The following CAMTA1 variants were observed in gnomAD, a reference collection of about 807,000 sequenced individuals.
CAMTA1 encodes calmodulin binding transcription activator 1, also known as calmodulin-binding transcription activator 1.
CAMTA1 carries 27 observed loss-of-function variants against 170.9 expected under a neutral mutation model. That is an observed-to-expected ratio of 0.16 (90% CI 0.12 to 0.22). CAMTA1 has a LOEUF of 0.22. CAMTA1 is among the 10% of genes least tolerant of loss of function. The pLI is 1.00. For missense variants in CAMTA1, 1,619 were observed against 2,217.2 expected, an observed-to-expected ratio of 0.73 and a Z score of 5.42; for synonymous variants, 833 against 891.5, an observed-to-expected ratio of 0.93 and a Z score of 1.17.
chr1:6,897,613 GA>G (rs1489736905), intron 3 of CAMTA1, among the ~76,000 whole-genome samples: 1 of 152,144 alleles, frequency 6.6e-6, no homozygotes, highest in African/African-American at 2.4e-5. Flanking sequence ...GTGAGTTTTT[GA>G]AAGGCAGTGT....
At chr1:7,448,416 G>C (rs553423150) in intron 5 of CAMTA1, among the ~76,000 whole-genome samples, 10 of 152,302 alleles carry the variant, frequency 6.6e-5, no homozygotes, top group African/African-American at 2.4e-4. Flanking sequence ...CTCCAGGTGG[G>C]TGCTCAGCTG....
At chr1:7,315,329 C>T (rs879513911) in intron 5 of CAMTA1, among the ~76,000 whole-genome samples, 5 of 152,150 alleles carry the variant, frequency 3.3e-5, no homozygotes, top group East Asian at 1.9e-4. Flanking sequence ...CTCTATTTGT[C>T]GGGGAGGCAG....
At chr1:7,487,300 C>T in intron 6 of CAMTA1, among the ~76,000 whole-genome samples, 1 of 152,258 alleles carries the variant, frequency 6.6e-6, no homozygotes, top group Middle Eastern at 3.4e-3. Context: ...GGGTAAGAAA[C>T]CTTTACTCAG....
At chr1:6,876,941 T>C (rs1670064395) in intron 3 of CAMTA1, among the ~76,000 whole-genome samples, 1 of 152,168 alleles carries the variant, frequency 6.6e-6, no homozygotes, top group Non-Finnish European at 1.5e-5. Context: ...CTGCATAGTT[T>C]TTAGAGCTGG....
At chr1:6,929,904 A>G (rs1684078836) in intron 3 of CAMTA1, among the ~76,000 whole-genome samples, 1 of 152,158 alleles carries the variant, frequency 6.6e-6, no homozygotes, top group African/African-American at 2.4e-5. Context: ...CCTTCGGTCC[A>G]TGAGCACCTA....
intron 3 of CAMTA1, among the ~76,000 whole-genome samples, chr1:6,993,648 T>G (rs1696739030): frequency 6.9e-6 from 1 of 145,982 alleles, no homozygotes; most frequent in African/African-American, 2.4e-5. Flanking sequence ...CTGTTTGTCT[T>G]GAAGTCTACG....
chr1:7,066,488 T>C (rs1708979861), intron 3 of CAMTA1, among the ~76,000 whole-genome samples: 1 of 152,242 alleles, frequency 6.6e-6, no homozygotes, highest in Admixed American at 6.5e-5. Context: ...TTTTACTGCT[T>C]TCAAGATAAA....
At chr1:6,902,084 TAAAA>T (rs143405526) in intron 3 of CAMTA1, among the ~76,000 whole-genome samples, 1 of 105,012 alleles carries the variant, frequency 9.5e-6, no homozygotes, top group African/African-American at 4.1e-5. Context: ...AAAAAAAAAA[TAAAA>T]ATAAAAACTC....
At position 7,745,013 on chromosome 1, in the gene CAMTA1, C is replaced by T. The variant is rs2096846844; in HGVS notation, c.4361C>T (p.Ala1454Val). Residue 1454 changes from alanine (A) to valine (V), a missense_variant, in exon 17 of 23, where the codon GCC becomes GTC. Coordinates refer to ENST00000303635, the MANE Select transcript of CAMTA1 (RefSeq NM_015215.4). ...GATGCTGACTGCCTTCCCAGTGCTGCCCAGATCCGGTGAGTAAAGTTACGG... is the reference window on the plus strand; with the variant it reads ...GATGCTGACTGCCTTCCCAGTGCTGTCCAGATCCGGTGAGTAAAGTTACGG... ...LADADCLPSA[A>V]QIRSAYNEPL... 1 of 1,612,020 alleles carries T rather than the reference C, an allele frequency of 6.2e-7. No individual in the cohort carries two copies.
chr1:7,346,832 C>G (rs1356884044), intron 5 of CAMTA1, among the ~76,000 whole-genome samples: 1 of 152,174 alleles, frequency 6.6e-6, no homozygotes, highest in Non-Finnish European at 1.5e-5. Context: ...CCCATTTACC[C>G]CAGGAGGTTG....
intron 3 of CAMTA1, among the ~76,000 whole-genome samples, chr1:6,858,442 TGTGGTGGTG>T (rs142635550): frequency 7.9e-5 from 9 of 113,798 alleles, no homozygotes; most frequent in Admixed American, 1.1e-4. Flanking sequence ...AAGTGGTGTG[TGTGGTGGTG>T]GTGGTGGTGG....
intron 5 of CAMTA1, among the ~76,000 whole-genome samples, chr1:7,397,535 T>C (rs1328301324): frequency 6.6e-6 from 1 of 152,114 alleles, no homozygotes; most frequent in Non-Finnish European, 1.5e-5. Flanking sequence ...TTTTTATTGC[T>C]ATCTACTAAT....
chr1:7,439,760 C>G (rs1257554154), intron 5 of CAMTA1, among the ~76,000 whole-genome samples: 1 of 152,196 alleles, frequency 6.6e-6, no homozygotes, highest in Non-Finnish European at 1.5e-5. Context: ...GGTCTCTGAG[C>G]TCCCCAGGTG....
intron 3 of CAMTA1, among the ~76,000 whole-genome samples, chr1:6,858,490 G>C (rs1663331456): frequency 1.4e-5 from 2 of 146,920 alleles, no homozygotes; most frequent in South Asian, 4.4e-4. Flanking sequence ...GTGTGTTGGG[G>C]GGGGGGTGTT....
intron 5 of CAMTA1, among the ~76,000 whole-genome samples, chr1:7,453,998 C>T (rs1207628037): frequency 1.3e-5 from 2 of 152,216 alleles, no homozygotes; most frequent in East Asian, 1.9e-4. Context: ...GAGACCTGAG[C>T]GGAACCAGGG....
chr1:6,880,053 C>T (rs1671071143), intron 3 of CAMTA1, among the ~76,000 whole-genome samples: 1 of 151,486 alleles, frequency 6.6e-6, no homozygotes, highest in Admixed American at 6.6e-5. Flanking sequence ...ATTTCTCTTT[C>T]TCTAGTAGGG....
chr1:7,332,317 T>C (rs1184672377), intron 5 of CAMTA1, among the ~76,000 whole-genome samples: 1 of 152,248 alleles, frequency 6.6e-6, no homozygotes, highest in Admixed American at 6.5e-5. Context: ...GTTCTTTTTA[T>C]TATGTTTTGT....
intron 6 of CAMTA1, among the ~76,000 whole-genome samples, chr1:7,491,067 C>A (rs1460139677): frequency 6.6e-6 from 1 of 152,166 alleles, no homozygotes; most frequent in Non-Finnish European, 1.5e-5. Flanking sequence ...AATGAAACTC[C>A]TTCTGTTCCC....
intron 3 of CAMTA1, among the ~76,000 whole-genome samples, chr1:6,906,846 G>A (rs377078602): frequency 4.6e-5 from 7 of 152,324 alleles, no homozygotes; most frequent in African/African-American, 1.7e-4. Flanking sequence ...GCCAGTTCAA[G>A]TTTCTAAAGT....
Sources: gnomAD v4.1 joint callset for allele counts (sites outside exome capture counted in the v4.1 genomes callset) on GRCh38, gnomAD v4.1.1 for gene constraint, MANE v1.5 for transcripts, NCBI Gene and HGNC (gene_info 2026-07-23, HGNC 2026-07-21) for gene names.